The following RTL4 variants were observed in gnomAD, a reference collection of about 807,000 sequenced individuals.
The protein encoded by RTL4 is retrotransposon Gag like 4.
Under a neutral mutation model 5.3 loss-of-function variants are expected in RTL4, and 4 were observed. The ratio of observed to expected loss-of-function variants is 0.75; its 90% CI spans 0.37 to 1.72. The LOEUF is 1.72. Among genes scored for constraint, RTL4 ranks in the 40% most tolerant of loss-of-function variants. The pLI is 0.04. For synonymous variants in RTL4, 98 were observed against 87.3 expected, an observed-to-expected ratio of 1.12 and a Z score of -0.68; for missense variants, 260 against 227.1, an observed-to-expected ratio of 1.14 and a Z score of -0.93.
At chrX:112,327,381 C>T in the RTL4 span, among the ~76,000 whole-genome samples, 30 of 111,456 alleles carry the variant, frequency 2.7e-4, no homozygotes, top group Non-Finnish European at 4.7e-4. Context: ...GGACCTGATG[C>T]GATCAACTGG....
chrX:112,316,743 CCCAA>C, the RTL4 span, among the ~76,000 whole-genome samples: 1 of 111,911 alleles, frequency 8.9e-6, no homozygotes, highest in Non-Finnish European at 1.9e-5. Context: ...TCCCACTTCT[CCCAA>C]CCAGAGAAGC....
At chrX:112,390,008 T>C in the RTL4 span, among the ~76,000 whole-genome samples, 1 of 96,429 alleles carries the variant, frequency 1.0e-5, no homozygotes, top group African/African-American at 3.8e-5. Flanking sequence ...AGTATTGAAG[T>C]CTCCCACTAT....
At chrX:112,151,876 T>G in the RTL4 span, among the ~76,000 whole-genome samples, 1 of 112,190 alleles carries the variant, frequency 8.9e-6, no homozygotes, top group African/African-American at 3.2e-5. Flanking sequence ...TGTTTACAAA[T>G]GGAATGCTAC....
the RTL4 span, among the ~76,000 whole-genome samples, chrX:112,142,705 A>G: frequency 8.9e-6 from 1 of 112,234 alleles, no homozygotes; most frequent in African/African-American, 3.2e-5. Flanking sequence ...AAAGTCCTGT[A>G]ATAGGGGTGT....
At chrX:112,100,088 G>A in the RTL4 span, among the ~76,000 whole-genome samples, 1 of 111,615 alleles carries the variant, frequency 9.0e-6, no homozygotes, top group Admixed American at 9.5e-5. Context: ...ATATGGCTCT[G>A]GGCTTCAAGA....
At chrX:112,372,917 G>C in the RTL4 span, among the ~76,000 whole-genome samples, 1 of 111,479 alleles carries the variant, frequency 9.0e-6, no homozygotes, top group African/African-American at 3.3e-5. Flanking sequence ...GTTCTATGTT[G>C]TGTCTTTCCT....
chrX:112,142,125 G>A, the RTL4 span, among the ~76,000 whole-genome samples: 2 of 112,226 alleles, frequency 1.8e-5, no homozygotes, highest in Admixed American at 1.9e-4. Flanking sequence ...AGAGAAGATG[G>A]CAACTTGGTC....
chrX:112,266,789 A>T, the RTL4 span, among the ~76,000 whole-genome samples: 1 of 111,596 alleles, frequency 9.0e-6, no homozygotes, highest in Admixed American at 9.5e-5. Flanking sequence ...CTGAGATGTC[A>T]TAGCTCTCAT....
At chrX:112,175,205 G>C in the RTL4 span, among the ~76,000 whole-genome samples, 1 of 103,009 alleles carries the variant, frequency 9.7e-6, no homozygotes, top group Non-Finnish European at 2.0e-5. Flanking sequence ...GGGTTTTTAT[G>C]GTTTTAGGTC....
At chrX:112,228,259 C>A in the RTL4 span, among the ~76,000 whole-genome samples, 1 of 110,721 alleles carries the variant, frequency 9.0e-6, no homozygotes, top group Admixed American at 9.6e-5. Context: ...TTGAGGAGAG[C>A]GGTAGCTGAT....
chrX:112,415,559 G>A, the RTL4 span, among the ~76,000 whole-genome samples: 9,372 of 110,404 alleles, frequency 0.085, 339 homozygotes, highest in African/African-American at 0.13. Flanking sequence ...TGTTGTATAC[G>A]TTAGAAATTA....
chrX:112,210,754 A>G, the RTL4 span, among the ~76,000 whole-genome samples: 1 of 112,288 alleles, frequency 8.9e-6, no homozygotes, highest in Admixed American at 9.4e-5. Flanking sequence ...TCCAAGGGAA[A>G]AAAGGGGTCT....
the RTL4 span, among the ~76,000 whole-genome samples, chrX:112,171,378 G>A: frequency 9.0e-6 from 1 of 111,719 alleles, no homozygotes; most frequent in Admixed American, 9.5e-5. Flanking sequence ...AAGTCCATCT[G>A]GTCCTGGGCT....
the RTL4 span, among the ~76,000 whole-genome samples, chrX:112,368,105 C>A: frequency 1.7e-4 from 19 of 111,392 alleles, no homozygotes; most frequent in African/African-American, 6.2e-4. Flanking sequence ...TAATTTTATA[C>A]TTTAAAATGC....
the RTL4 span, among the ~76,000 whole-genome samples, chrX:112,177,992 A>C: frequency 9.1e-6 from 1 of 110,171 alleles, no homozygotes; most frequent in African/African-American, 3.3e-5. Context: ...GTCAACAGCA[A>C]AGTTTGGCCT....
chrX:112,427,712 A>G, the RTL4 span, among the ~76,000 whole-genome samples: 2 of 111,013 alleles, frequency 1.8e-5, no homozygotes, highest in African/African-American at 6.5e-5. Context: ...CCCTTTAAGA[A>G]CTGCTTTTGC....
the RTL4 span, among the ~76,000 whole-genome samples, chrX:112,195,364 G>A: frequency 8.9e-6 from 1 of 112,072 alleles, no homozygotes; most frequent in Non-Finnish European, 1.9e-5. Context: ...AAGACATTCA[G>A]TTAGTCGCAT....
chrX:112,396,709 A>AT, the RTL4 span, among the ~76,000 whole-genome samples: 20,507 of 110,289 alleles, frequency 0.19, 1,654 homozygotes, highest in Admixed American at 0.3. Context: ...AAGTTCATAC[A>AT]TTTTTTTCAG....
chrX:112,201,823 G>A, the RTL4 span, among the ~76,000 whole-genome samples: 1 of 111,651 alleles, frequency 9.0e-6, no homozygotes, highest in South Asian at 3.8e-4. Flanking sequence ...AAATAATACA[G>A]AGATATCCCA....
Sources: allele counts gnomAD v4.1 joint callset (sites outside exome capture counted in the v4.1 genomes callset), GRCh38; gene constraint gnomAD v4.1.1; transcripts MANE v1.5; gene names NCBI Gene and HGNC (gene_info 2026-07-23, HGNC 2026-07-21).